PPFIBP1: variants seen among roughly 807,000 people sequenced by gnomAD.
PPFIBP1 encodes the protein PPFIB scaffold protein 1, also known as liprin-beta-1.
In PPFIBP1, 112 loss-of-function variants were observed where a neutral mutation model predicts 137.8. The observed-to-expected ratio is 0.81, with a 90% CI of 0.70 to 0.95. PPFIBP1 has a LOEUF of 0.95. Ranked by LOEUF, PPFIBP1 falls within the 40% of genes least tolerant of loss-of-function variation. The pLI is 0.00. For synonymous variants in PPFIBP1, 378 were observed against 417.3 expected (o/e 0.91, Z 1.15); for missense variants, 1,083 against 1,196.6 (o/e 0.91, Z 1.40).
chr12:27,524,889 T>C (rs187366913), intron 1 of PPFIBP1, among the ~76,000 whole-genome samples: 5 of 152,320 alleles, frequency 3.3e-5, no homozygotes, highest in Admixed American at 3.3e-4. Context: ...TGTGAGAAAT[T>C]CACTTGGGGT....
chr12:27,594,079 T>G, intron 2 of PPFIBP1: 1 of 1,262,486 alleles, frequency 7.9e-7, no homozygotes, highest in East Asian at 2.9e-5. Flanking sequence ...TTGAGAAGCT[T>G]CAAAAAAAGA....
At chr12:27,606,585 G>A (rs1315714817) in intron 2 of PPFIBP1, among the ~76,000 whole-genome samples, 1 of 152,184 alleles carries the variant, frequency 6.6e-6, no homozygotes, top group Non-Finnish European at 1.5e-5. Context: ...TAGGCCAAAG[G>A]ATATCTTCGA....
intron 1 of PPFIBP1, among the ~76,000 whole-genome samples, chr12:27,527,817 G>A (rs776874474): frequency 1.3e-5 from 2 of 151,714 alleles, no homozygotes; most frequent in Non-Finnish European, 2.9e-5. Context: ...AAATCTTTCA[G>A]GGAGCCATAA....
intron 1 of PPFIBP1, among the ~76,000 whole-genome samples, chr12:27,554,902 G>A (rs1483090408): frequency 6.6e-6 from 1 of 151,898 alleles, no homozygotes; most frequent in Non-Finnish European, 1.5e-5. Flanking sequence ...TTGAAGAACT[G>A]GGGCTGTGAT....
At chr12:27,641,912 C>T (rs948582888) in intron 4 of PPFIBP1, among the ~76,000 whole-genome samples, 7 of 151,798 alleles carry the variant, frequency 4.6e-5, no homozygotes, top group Non-Finnish European at 1.0e-4. Context: ...TGTATGGGAG[C>T]TCTGTTTTCA....
At chr12:27,680,172 G>C (rs929634221) in intron 21 of PPFIBP1, 111 bp downstream of exon 21, 1 of 1,398,738 alleles carries the variant, frequency 7.1e-7, no homozygotes, top group South Asian at 1.4e-5. Context: ...GCTTAATGCT[G>C]TGCCTAATGA....
At position 27,597,936 on chromosome 12, in the gene PPFIBP1, G is replaced by A. The variant is rs1268330433; in HGVS notation, c.-36+19697G>A. 2.0e-5 allele frequency among the ~76,000 whole-genome samples: 3 copies of A among 152,068 alleles called. No individual in the cohort carries two copies. The East Asian group carries it at 5.8e-4, about 29-fold the overall frequency. On this transcript the variant is annotated intron_variant, in intron 2 of 29. Transcript: ENST00000228425. ...TTCTCATGCCTCAGCCTCCCAGGTC[G>A]CTGGGATTACAGGCATGTGCCACCA...
intron 1 of PPFIBP1, chr12:27,548,885 C>T (rs974647562): frequency 6.6e-6 from 1 of 152,154 alleles, no homozygotes; most frequent in Non-Finnish European, 1.5e-5. Context: ...AATGTCAAGT[C>T]CTGGAAGATA....
chr12:27,648,231 A>C (rs2058660246), intron 6 of PPFIBP1, among the ~76,000 whole-genome samples: 1 of 152,206 alleles, frequency 6.6e-6, no homozygotes, highest in South Asian at 2.1e-4. Context: ...CAAATGGCAA[A>C]CAGACATATG....
chr12:27,533,418 C>T (rs67003520), intron 1 of PPFIBP1, among the ~76,000 whole-genome samples: 25,657 of 152,078 alleles, frequency 0.17, 2,412 homozygotes, highest in Middle Eastern at 0.26. Flanking sequence ...TCCCATATTA[C>T]GATGAGGAAT....
intron 2 of PPFIBP1, among the ~76,000 whole-genome samples, chr12:27,589,291 A>T (rs2052173504): frequency 6.6e-6 from 1 of 152,032 alleles, no homozygotes; most frequent in South Asian, 2.1e-4. Flanking sequence ...TTGTAAGAGG[A>T]TTTTAGACTC....
intron 1 of PPFIBP1, among the ~76,000 whole-genome samples, chr12:27,570,817 G>A (rs1007450864): frequency 6.6e-6 from 1 of 152,144 alleles, no homozygotes; most frequent in Non-Finnish European, 1.5e-5. Flanking sequence ...GGAGGCTGAG[G>A]CAGGAGAATG....
chr12:27,619,070 A>C (rs2056074414), intron 2 of PPFIBP1, among the ~76,000 whole-genome samples: 1 of 152,154 alleles, frequency 6.6e-6, no homozygotes, highest in African/African-American at 2.4e-5. Context: ...GTACTTGATG[A>C]TGCGGTAATC....
rs374114077 is a variant in PPFIBP1, at chr12:27,692,885, G to C, written c.*3G>C. On this transcript the variant is annotated 3_prime_UTR_variant, in exon 30 of 30. Coordinates refer to ENST00000228425, the MANE Select transcript of PPFIBP1 (RefSeq NM_003622.4). ...CAGATGAAGACTCAAACGTTTGACC[G>C]TAGCACCTGGATGAACATTAGGAGT... is the stretch of plus-strand genomic sequence containing the variant. 6.2e-7 allele frequency: 1 copy of C among 1,614,020 alleles called. No individual in the cohort carries two copies. The highest frequency in any genetic ancestry group is 8.5e-7 in the Non-Finnish European group (1 of 1,179,966).
At chr12:27,613,190 C>A (rs2078448) in intron 2 of PPFIBP1, among the ~76,000 whole-genome samples, 47,074 of 152,134 alleles carry the variant, frequency 0.31, 7,506 homozygotes, top group South Asian at 0.41. Flanking sequence ...CTGTTGGAGA[C>A]AATCCTAGAG....
intron 13 of PPFIBP1, among the ~76,000 whole-genome samples, chr12:27,670,913 C>T (rs567869496): frequency 1.1e-4 from 16 of 151,902 alleles, no homozygotes; most frequent in Non-Finnish European, 2.2e-4. Context: ...GAGGGTGAAA[C>T]TGATGGATGC....
At chr12:27,597,244 T>C (rs2053423017) in intron 2 of PPFIBP1, among the ~76,000 whole-genome samples, 4 of 152,196 alleles carry the variant, frequency 2.6e-5, no homozygotes, top group Admixed American at 2.6e-4. Flanking sequence ...CTCGGCTCAC[T>C]GCAACCTCCG....
chr12:27,664,357 C>T lies in PPFIBP1; in HGVS notation c.907-5C>T, dbSNP rs766486448. On this transcript the variant is annotated splice_region_variant and splice_polypyrimidine_tract_variant and intron_variant, in intron 11 of 29. Transcript: ENST00000228425. ...ATTAAAGATTACAATTTATTTTATT[C>T]CTAGGATCGGAAAATAGAAGATCTT... The T allele has an allele frequency of 1.9e-6, 3 of 1,589,876 alleles. No homozygotes were observed. The highest frequency in any genetic ancestry group is 2.6e-6 in the Non-Finnish European group (3 of 1,159,516).
chr12:27,565,581 A>G lies in PPFIBP1; in HGVS notation c.-123-12571A>G, dbSNP rs2049575378. Among the ~76,000 whole-genome samples the G allele has an allele frequency of 1.3e-5, 2 of 151,832 alleles. 1 individual carries two copies. Among genetic ancestry groups the G allele is most frequent in the Non-Finnish European group, 2.9e-5 (2 of 68,000 alleles). On this transcript the variant is annotated intron_variant, in intron 1 of 29. Coordinates refer to ENST00000228425, the MANE Select transcript of PPFIBP1 (RefSeq NM_003622.4). Reference sequence around the variant, plus strand: ...TCCAGTTGTTTTCTCTCTACCTTTTATCTGCATAAAAACATTCAGGATGTC... The same window carrying G: ...TCCAGTTGTTTTCTCTCTACCTTTTGTCTGCATAAAAACATTCAGGATGTC...
Sources: allele counts gnomAD v4.1 joint callset (sites outside exome capture counted in the v4.1 genomes callset), GRCh38; gene constraint gnomAD v4.1.1; transcripts MANE v1.5; gene names NCBI Gene and HGNC (gene_info 2026-07-23, HGNC 2026-07-21).